Variants in ROPN1L observed in about 807,000 individuals in gnomAD.
ROPN1L encodes the protein rhophilin associated tail protein 1 like.
A neutral mutation model predicts 22.7 loss-of-function variants in ROPN1L; 23 were observed. The observed-to-expected ratio is 1.01, with a 90% CI of 0.73 to 1.43. ROPN1L has a LOEUF of 1.43. ROPN1L is among the 40% of genes most tolerant of loss of function. The pLI is 0.00. For synonymous variants in ROPN1L, 116 were observed against 117.8 expected, an observed-to-expected ratio of 0.98 and a Z score of 0.10; for missense variants, 271 against 291.5, an observed-to-expected ratio of 0.93 and a Z score of 0.51.
downstream of ROPN1L, among the ~76,000 whole-genome samples, chr5:10,468,116 T>C (rs1735185221): frequency 6.6e-6 from 1 of 152,234 alleles, no homozygotes; most frequent in African/African-American, 2.4e-5. Context: ...CTGGTCACTC[T>C]CGGCTCAGCT....
At chr5:10,451,190 G>A (rs1156795376) in intron 3 of ROPN1L, among the ~76,000 whole-genome samples, 6 of 152,178 alleles carry the variant, frequency 3.9e-5, no homozygotes, top group Non-Finnish European at 8.8e-5. Context: ...TTGCTTCACA[G>A]CCCTCACTCA....
At chr5:10,467,580 C>T (rs932870517), downstream of ROPN1L, among the ~76,000 whole-genome samples, 8 of 152,156 alleles carry the variant, frequency 5.3e-5, no homozygotes, top group African/African-American at 1.7e-4. Flanking sequence ...GACAGGGAAT[C>T]GTCAGTTATG....
the ROPN1L span, among the ~76,000 whole-genome samples, chr5:10,481,350 G>A: frequency 2.0e-5 from 3 of 152,262 alleles, no homozygotes; most frequent in South Asian, 6.2e-4. Context: ...AGGCTCAGGA[G>A]ACAGCGGACA....
chr5:10,470,575 C>A (rs1735230164), intron 4 of ROPN1L, among the ~76,000 whole-genome samples: 1 of 152,222 alleles, frequency 6.6e-6, no homozygotes, highest in Non-Finnish European at 1.5e-5. Context: ...GGTTGATGTC[C>A]ACTGTTTCCT....
chr5:10,472,267 TTATTATG>T (rs1490464216), downstream of ROPN1L, among the ~76,000 whole-genome samples: 3 of 151,130 alleles, frequency 2.0e-5, no homozygotes, highest in Non-Finnish European at 4.4e-5. Context: ...AACCATGCAT[TTATTATG>T]TATTAAGTCC....
At chr5:10,468,143 G>T (rs1240719548), downstream of ROPN1L, among the ~76,000 whole-genome samples, 2 of 152,266 alleles carry the variant, frequency 1.3e-5, no homozygotes, top group Admixed American at 6.5e-5. Context: ...CCCAGGGGTT[G>T]TCCCTGCCTC....
intron 1 of ROPN1L, among the ~76,000 whole-genome samples, chr5:10,447,705 C>T (rs1741114710): frequency 6.6e-6 from 1 of 152,170 alleles, no homozygotes; most frequent in Non-Finnish European, 1.5e-5. Context: ...AACAAGACCA[C>T]ATCTCTGTAA....
chr5:10,469,060 C>A (rs1735203857), downstream of ROPN1L, among the ~76,000 whole-genome samples: 1 of 152,052 alleles, frequency 6.6e-6, no homozygotes, highest in African/African-American at 2.4e-5. Flanking sequence ...GAGGCTGAGG[C>A]AGGAGAATGG....
chr5:10,449,427 A>T (rs1741183017), intron 2 of ROPN1L, among the ~76,000 whole-genome samples: 1 of 152,090 alleles, frequency 6.6e-6, no homozygotes, highest in South Asian at 2.1e-4. Context: ...GCTGAGGCGG[A>T]AGAATTACTT....
At chr5:10,455,448 C>T (rs1306653945) in intron 3 of ROPN1L, among the ~76,000 whole-genome samples, 1 of 152,228 alleles carries the variant, frequency 6.6e-6, no homozygotes, top group Non-Finnish European at 1.5e-5. Context: ...AGGAGCCGCT[C>T]AGGCTCCTGA....
intron 3 of ROPN1L, among the ~76,000 whole-genome samples, chr5:10,455,873 A>AAAAAC (rs1579650421): frequency 6.6e-4 from 14 of 21,264 alleles, no homozygotes; most frequent in South Asian, 1.1e-3. Flanking sequence ...GGTCAGAGGC[A>AAAAAC]CAGCTTCACT....
At chr5:10,461,405 G>C in intron 4 of ROPN1L, 46 bp downstream of exon 4, 2 of 1,540,514 alleles carry the variant, frequency 1.3e-6, no homozygotes, top group Admixed American at 1.8e-5. Flanking sequence ...GACCATGGGA[G>C]AATTTCCTGT....
At chr5:10,463,094 G>A (rs1332124824) in intron 4 of ROPN1L, among the ~76,000 whole-genome samples, 2 of 152,140 alleles carry the variant, frequency 1.3e-5, no homozygotes, top group Non-Finnish European at 2.9e-5. Context: ...CTTGCTATAT[G>A]ACCCCGACAC....
At chr5:10,474,112 A>G (rs897304253), downstream of ROPN1L, among the ~76,000 whole-genome samples, 3 of 151,726 alleles carry the variant, frequency 2.0e-5, no homozygotes, top group Non-Finnish European at 4.4e-5. Context: ...AGATTGCACC[A>G]CTGCACTCCA....
At chr5:10,457,573 A>G (rs533848030) in intron 3 of ROPN1L, among the ~76,000 whole-genome samples, 2 of 152,326 alleles carry the variant, frequency 1.3e-5, no homozygotes, top group African/African-American at 4.8e-5. Flanking sequence ...CAGTAACCAC[A>G]CGAGGTGACT....
rs934112585 is a variant in ROPN1L at position 10,441,887 on chromosome 5, G to C, written c.-281G>C. The C allele has an allele frequency of 1.1e-5, 3 of 263,584 alleles. No individual in the cohort carries two copies. Among genetic ancestry groups the C allele is most frequent in the South Asian group, 1.3e-4 (2 of 15,714 alleles). The allele number at this position is 263,584 out of a possible 1,614,324, so 16.3% of individuals were successfully genotyped here. On this transcript the variant is annotated 5_prime_UTR_variant, in exon 1 of 5. Coordinates refer to ENST00000274134, the MANE Select transcript of ROPN1L (RefSeq NM_031916.5). ...AGGGGCGGGGCCTGCTCGCGTCCCG[G>C]GTGCCTGGATACCGAGCGCGTCCGT... is the stretch of plus-strand genomic sequence containing the variant.
chr5:10,457,232 C>T (rs1489121711), intron 3 of ROPN1L, among the ~76,000 whole-genome samples: 3 of 152,174 alleles, frequency 2.0e-5, no homozygotes, highest in Admixed American at 1.3e-4. Context: ...CCGTCCACCT[C>T]GGCAGCATCA....
intron 3 of ROPN1L, among the ~76,000 whole-genome samples, chr5:10,451,947 C>CTATCTATCTATCTATA (rs1470362559): frequency 6.6e-5 from 10 of 151,706 alleles, no homozygotes; most frequent in Admixed American, 2.0e-4. Context: ...ATCTATCTAT[C>CTATCTATCTATCTATA]TATCTGTCTA....
chr5:10,449,891 C>A, intron 2 of ROPN1L, 61 bp from the exon 3 acceptor site: 3 of 1,416,908 alleles, frequency 2.1e-6, no homozygotes, highest in South Asian at 1.2e-5. Flanking sequence ...ATATTCACAG[C>A]ATTCATTGTT....
Sources: gnomAD v4.1 joint callset for allele counts (sites outside exome capture counted in the v4.1 genomes callset) on GRCh38, gnomAD v4.1.1 for gene constraint, MANE v1.5 for transcripts, NCBI Gene and HGNC (gene_info 2026-07-23, HGNC 2026-07-21) for gene names.